SLC14A2: variants seen among roughly 807,000 people sequenced by gnomAD.
SLC14A2 encodes solute carrier family 14 member 2.
A neutral mutation model predicts 104.6 loss-of-function variants in SLC14A2; 91 were observed. The ratio of observed to expected loss-of-function variants is 0.87; its 90% CI spans 0.73 to 1.04. The LOEUF (loss-of-function observed/expected upper bound fraction) is 1.04, where lower values mean the gene tolerates loss of function less well. Ranked by LOEUF, SLC14A2 falls within the 50% of genes least tolerant of loss-of-function variation. SLC14A2 has a pLI of 0.00. For synonymous variants in SLC14A2, 476 were observed against 466.4 expected (o/e 1.02, Z -0.27); for missense variants, 1,189 against 1,156.0 (o/e 1.03, Z -0.41).
chr18:45,600,956 A>G (rs893930580), intron 2 of SLC14A2, among the ~76,000 whole-genome samples: 3 of 152,188 alleles, frequency 2.0e-5, no homozygotes, highest in Non-Finnish European at 4.4e-5. Flanking sequence ...TCCTCATTTG[A>G]GGGAACTCAT....
chr18:45,181,467 G>T, the SLC14A2 span: 1 of 152,088 alleles, frequency 6.6e-6, no homozygotes, highest in Non-Finnish European at 1.5e-5. Flanking sequence ...TCACACACTG[G>T]GTCACCGCGT....
chr18:45,513,160 G>T (rs2043391431), intron 2 of SLC14A2, among the ~76,000 whole-genome samples: 1 of 152,136 alleles, frequency 6.6e-6, no homozygotes, highest in South Asian at 2.1e-4. Context: ...GCAAACACTT[G>T]TTCTCTACTC....
At chr18:45,542,660 T>C (rs904104183) in intron 2 of SLC14A2, among the ~76,000 whole-genome samples, 2 of 152,196 alleles carry the variant, frequency 1.3e-5, no homozygotes, top group South Asian at 2.1e-4. Flanking sequence ...TACTGTCTAG[T>C]AGATCTGGAA....
chr18:45,248,156 G>A (rs9807677), intron 1 of SLC14A2, among the ~76,000 whole-genome samples: 33,636 of 152,024 alleles, frequency 0.22, 4,284 homozygotes, highest in African/African-American at 0.35. Context: ...CTGATTGGAA[G>A]AGGAAGGAAA....
chr18:45,214,397 G>C (rs1034138865), intron 1 of SLC14A2, among the ~76,000 whole-genome samples: 3 of 152,168 alleles, frequency 2.0e-5, no homozygotes, highest in Non-Finnish European at 4.4e-5. Context: ...AGAGAGGGAG[G>C]AAAGGAAAGC....
At chr18:45,629,707 C>T (rs747253892) in intron 4 of SLC14A2, among the ~76,000 whole-genome samples, 11 of 152,174 alleles carry the variant, frequency 7.2e-5, no homozygotes, top group Non-Finnish European at 1.2e-4. Flanking sequence ...CATGCCAAGC[C>T]ATTCAGAGGG....
At chr18:45,278,218 T>A (rs1273669842) in intron 1 of SLC14A2, among the ~76,000 whole-genome samples, 2 of 152,210 alleles carry the variant, frequency 1.3e-5, no homozygotes, top group Non-Finnish European at 2.9e-5. Flanking sequence ...TTATTCAGTG[T>A]GACATTCTTG....
At chr18:45,416,666 T>G (rs2086281270) in intron 1 of SLC14A2, among the ~76,000 whole-genome samples, 2 of 152,146 alleles carry the variant, frequency 1.3e-5, no homozygotes, top group Non-Finnish European at 2.9e-5. Flanking sequence ...GGATGAGCAT[T>G]TGGGAATGGC....
intron 2 of SLC14A2, among the ~76,000 whole-genome samples, chr18:45,597,327 CA>C (rs199751496): frequency 9.8e-5 from 14 of 142,450 alleles, no homozygotes; most frequent in South Asian, 2.3e-4. Context: ...AACTCCATCT[CA>C]AAAAAAAAAG....
chr18:45,576,272 CTTTTTTTT>C (rs776335445), intron 2 of SLC14A2, among the ~76,000 whole-genome samples: 1 of 90,698 alleles, frequency 1.1e-5, no homozygotes, highest in Non-Finnish European at 2.1e-5. Flanking sequence ...GGAGCAGGGG[CTTTTTTTT>C]TTTTTTTTTT....
chr18:45,301,354 C>T (rs554304547), intron 1 of SLC14A2, among the ~76,000 whole-genome samples: 8 of 152,308 alleles, frequency 5.3e-5, no homozygotes, highest in African/African-American at 1.7e-4. Flanking sequence ...TGAGCCTCCA[C>T]GCTGGGGTGG....
intron 1 of SLC14A2, among the ~76,000 whole-genome samples, chr18:45,247,820 T>C (rs1174851769): frequency 6.6e-6 from 1 of 151,714 alleles, no homozygotes; most frequent in Non-Finnish European, 1.5e-5. Flanking sequence ...TAAGCAACCA[T>C]GTCTCTCATG....
chr18:45,309,198 C>A (rs1262278761), intron 1 of SLC14A2, among the ~76,000 whole-genome samples: 1 of 152,168 alleles, frequency 6.6e-6, no homozygotes, highest in Non-Finnish European at 1.5e-5. Flanking sequence ...TATAAAACCA[C>A]CATCATGTCA....
the SLC14A2 span, among the ~76,000 whole-genome samples, chr18:45,174,589 C>T: frequency 3.3e-5 from 5 of 152,132 alleles, no homozygotes; most frequent in African/African-American, 1.2e-4. Context: ...TCCGTCCCTG[C>T]TTCGTTCCAC....
At chr18:45,243,660 C>G (rs2084340168) in intron 1 of SLC14A2, among the ~76,000 whole-genome samples, 1 of 152,084 alleles carries the variant, frequency 6.6e-6, no homozygotes, top group South Asian at 2.1e-4. Context: ...AAAAATGGAT[C>G]AAGAAGGAAT....
At chr18:45,302,236 G>C (rs1275140545) in intron 1 of SLC14A2, among the ~76,000 whole-genome samples, 1 of 152,214 alleles carries the variant, frequency 6.6e-6, no homozygotes, top group African/African-American at 2.4e-5. Context: ...CTTGAGGTTG[G>C]ATCTTTAATG....
chr18:45,604,604 A>G (rs1287960359), intron 2 of SLC14A2, among the ~76,000 whole-genome samples: 3 of 152,204 alleles, frequency 2.0e-5, no homozygotes, highest in South Asian at 2.1e-4. Context: ...AGAACCAAGC[A>G]TGTGCCTACT....
At chr18:45,299,131 G>A (rs978055867) in intron 1 of SLC14A2, among the ~76,000 whole-genome samples, 2 of 152,204 alleles carry the variant, frequency 1.3e-5, no homozygotes, top group Admixed American at 6.5e-5. Context: ...AATGTTCACC[G>A]GAAGATAGCT....
intron 2 of SLC14A2, among the ~76,000 whole-genome samples, chr18:45,512,115 GGC>G: frequency 6.6e-6 from 1 of 152,318 alleles, no homozygotes; most frequent in South Asian, 2.1e-4. Flanking sequence ...GGTAAACCAA[GGC>G]AGGAGCCCAG....
Sources: gnomAD v4.1 joint callset for allele counts (sites outside exome capture counted in the v4.1 genomes callset) on GRCh38, gnomAD v4.1.1 for gene constraint, MANE v1.5 for transcripts, NCBI Gene and HGNC (gene_info 2026-07-23, HGNC 2026-07-21) for gene names.